ALG9: variants seen among roughly 807,000 people sequenced by gnomAD.
ALG9 encodes the protein alpha-1,2-mannosyltransferase ALG9.
ALG9 carries 55 observed loss-of-function variants against 81.8 expected under a neutral mutation model. The observed-to-expected ratio is 0.67, with a 90% CI of 0.54 to 0.84. The LOEUF (loss-of-function observed/expected upper bound fraction) is 0.84, where lower values mean the gene tolerates loss of function less well. Ranked by LOEUF, ALG9 falls within the 40% of genes least tolerant of loss-of-function variation. The probability of loss-of-function intolerance (pLI) is 0.00; values close to 1 mark genes in which losing one functional copy is unlikely to be tolerated. For missense variants in ALG9, 629 were observed against 745.0 expected, an observed-to-expected ratio of 0.84 and a Z score of 1.81; for synonymous variants, 278 against 274.3, an observed-to-expected ratio of 1.01 and a Z score of -0.13.
At chr11:111,817,742 G>A (rs1951717685) in intron 13 of ALG9, among the ~76,000 whole-genome samples, 1 of 150,728 alleles carries the variant, frequency 6.6e-6, no homozygotes, top group South Asian at 2.1e-4. Context: ...CAGTGGGAAT[G>A]AAGAAAGAAG....
Position 111,784,364 on chromosome 11 carries a change from T to G in ALG9, c.*2033A>C, listed in dbSNP as rs1003150731. 6.6e-6 allele frequency: 1 copy of G among 152,252 alleles called. No homozygotes were observed. Among genetic ancestry groups the G allele is most frequent in the Non-Finnish European group, 1.5e-5 (1 of 68,046 alleles). The allele number at this position is 152,252 out of a possible 1,614,324, so 9.4% of individuals were successfully genotyped here. ...ATATTGTAACTAGCCATTTCTTCTG[T>G]TATCACTTCTTTTCTTCTCTCTTGG... On this transcript the variant is annotated 3_prime_UTR_variant, in exon 15 of 15. Coordinates refer to ENST00000616540, the MANE Select transcript of ALG9 (RefSeq NM_024740.2).
chr11:111,772,581 T>C, the ALG9 span, among the ~76,000 whole-genome samples: 1 of 152,240 alleles, frequency 6.6e-6, no homozygotes, highest in Non-Finnish European at 1.5e-5. Flanking sequence ...AATCTTGGTT[T>C]CTACATTTAT....
chr11:111,798,970 G>A (rs1446807949), intron 14 of ALG9, among the ~76,000 whole-genome samples: 4 of 152,194 alleles, frequency 2.6e-5, no homozygotes, highest in Non-Finnish European at 5.9e-5. Flanking sequence ...TATTTAGTAA[G>A]TACTTCTCCA....
chr11:111,797,099 A>G (rs1463764671), intron 14 of ALG9, among the ~76,000 whole-genome samples: 4 of 152,238 alleles, frequency 2.6e-5, no homozygotes, highest in African/African-American at 7.2e-5. Flanking sequence ...GCATTGCAAG[A>G]TAAGTAGTGG....
chr11:111,801,311 C>T (rs1487052630), intron 14 of ALG9, among the ~76,000 whole-genome samples: 1 of 152,190 alleles, frequency 6.6e-6, no homozygotes, highest in Non-Finnish European at 1.5e-5. Flanking sequence ...TCAGCAACAT[C>T]ATATGTCATG....
intron 13 of ALG9, among the ~76,000 whole-genome samples, chr11:111,821,374 T>C (rs186057352): frequency 6.6e-6 from 1 of 152,258 alleles, no homozygotes; most frequent in Admixed American, 6.5e-5. Context: ...CAGAGCCCCT[T>C]GGAGATCATC....
chr11:111,856,940 C>T (rs1310293208), intron 6 of ALG9, among the ~76,000 whole-genome samples: 3 of 152,112 alleles, frequency 2.0e-5, no homozygotes, highest in Non-Finnish European at 4.4e-5. Context: ...AACCCTGTCT[C>T]TACTAAAAAA....
intron 13 of ALG9, among the ~76,000 whole-genome samples, chr11:111,835,743 T>C (rs1306776861): frequency 6.6e-6 from 1 of 152,174 alleles, no homozygotes; most frequent in Non-Finnish European, 1.5e-5. Flanking sequence ...ATACCCCTCA[T>C]CCTAAAAAAT....
At chr11:111,796,724 A>G (rs1555075593) in intron 14 of ALG9, among the ~76,000 whole-genome samples, 1 of 152,202 alleles carries the variant, frequency 6.6e-6, no homozygotes, top group African/African-American at 2.4e-5. Flanking sequence ...AGAGAATAAA[A>G]GTTGATAAAT....
chr11:111,861,307 TTCA>T (rs1592371580), intron 4 of ALG9, among the ~76,000 whole-genome samples: 1 of 152,370 alleles, frequency 6.6e-6, no homozygotes, highest in East Asian at 1.9e-4. Context: ...TACCCACGTG[TTCA>T]TCATTTCCTA....
intron 13 of ALG9, chr11:111,828,709 G>A (rs1953800821): frequency 6.6e-6 from 1 of 152,172 alleles, no homozygotes; most frequent in South Asian, 2.1e-4. Flanking sequence ...ACTGAATGTT[G>A]CTCAAGTCCA....
At chr11:111,809,540 G>A (rs969545731) in intron 14 of ALG9, 103 bp downstream of exon 14, 33 of 1,104,710 alleles carry the variant, frequency 3.0e-5, no homozygotes, top group Non-Finnish European at 4.0e-5. Flanking sequence ...ACACACACAC[G>A]ATGGCTACTA....
intron 4 of ALG9, among the ~76,000 whole-genome samples, chr11:111,862,172 C>T (rs1960410764): frequency 6.6e-6 from 1 of 151,962 alleles, no homozygotes; most frequent in Non-Finnish European, 1.5e-5. Context: ...ATTCTATCAT[C>T]TCCTTCTACA....
chr11:111,828,276 T>A (rs1657723181), intron 13 of ALG9, among the ~76,000 whole-genome samples: 1 of 152,184 alleles, frequency 6.6e-6, no homozygotes, highest in Non-Finnish European at 1.5e-5. Context: ...ACTGTTGGAA[T>A]TACACCGCCA....
At position 111,786,331 on chromosome 11, in the gene ALG9, A is replaced by G. The variant is rs1423604506; in HGVS notation, c.*66T>C. ...ACAAATGTTACAGGCGATGACTTGC[A>G]GGGAGTCAGGTCACTGGAATCAATA... is the stretch of plus-strand genomic sequence containing the variant. On this transcript the variant is annotated 3_prime_UTR_variant, in exon 15 of 15. Coordinates refer to ENST00000616540, the MANE Select transcript of ALG9 (RefSeq NM_024740.2). The G allele has an allele frequency of 1.9e-6, 3 of 1,605,796 alleles. No individual in the cohort carries two copies. The African/African-American group carries it at 4.0e-5, about 22-fold the overall frequency.
At chr11:111,770,451 T>C in the ALG9 span, among the ~76,000 whole-genome samples, 2 of 152,124 alleles carry the variant, frequency 1.3e-5, no homozygotes, top group African/African-American at 4.8e-5. Flanking sequence ...ATTCTGAATC[T>C]ATAGGCTGTG....
At chr11:111,860,757 G>T (rs1566205743) in intron 4 of ALG9, 122 bp from the exon 5 acceptor site, 2 of 728,598 alleles carry the variant, frequency 2.7e-6, no homozygotes, top group Admixed American at 5.2e-5. Flanking sequence ...AAACTACCTT[G>T]TCAGGTTTGT....
chr11:111,786,587 G>A, intron 14 of ALG9, 67 bp from the exon 15 acceptor site: 1 of 1,530,986 alleles, frequency 6.5e-7, no homozygotes, highest in Admixed American at 1.7e-5. Context: ...TACTAAATGT[G>A]ATTAAAATAA....
chr11:111,857,704 G>A lies in ALG9; in HGVS notation c.599C>T (p.Thr200Met), dbSNP rs781871495. 9.3e-6 allele frequency: 15 copies of A among 1,613,996 alleles called. No homozygotes were observed. Among genetic ancestry groups the A allele is most frequent in the Admixed American group, 1.7e-5 (1 of 60,000 alleles). Reference sequence around the variant, plus strand: ...ATACCATCCAGTCATGGCTATCAACGTAGTGTACATACAGAAGCTACTAGG... The same window carrying A: ...ATACCATCCAGTCATGGCTATCAACATAGTGTACATACAGAAGCTACTAGG... ...FLPSSFCMYT[T>M]LIAMTGWYMD... Residue 200 changes from threonine (T) to methionine (M), a missense_variant, in exon 6 of 15, where the codon ACG becomes ATG. By Grantham distance (81) the Thr-to-Met change is moderately conservative. This residue lies in a region of ALG9 where 344 missense variants were observed against 390.5 expected (regional missense o/e 0.88). Coordinates refer to ENST00000616540, the MANE Select transcript of ALG9 (RefSeq NM_024740.2).
Sources: gnomAD v4.1 joint callset for allele counts (sites outside exome capture counted in the v4.1 genomes callset) on GRCh38, gnomAD v4.1.1 for gene constraint, gnomAD v4.1.1 regional missense constraint, MANE v1.5 for transcripts, NCBI Gene and HGNC (gene_info 2026-07-23, HGNC 2026-07-21) for gene names.